The following KANSL1 variants were observed in gnomAD, a reference collection of about 807,000 sequenced individuals.
KANSL1 encodes KAT8 regulatory NSL complex subunit 1, also known as MLL1/MLL complex subunit KANSL1.
KANSL1 carries 22 observed loss-of-function variants against 103.6 expected under a neutral mutation model. The observed-to-expected ratio is 0.21, with a 90% confidence interval of 0.15 to 0.30. The LOEUF (loss-of-function observed/expected upper bound fraction) is 0.30. Among genes scored for constraint, KANSL1 ranks in the 10% least tolerant of loss-of-function variants. The pLI, the probability that KANSL1 is intolerant of heterozygous loss-of-function variation, is 1.00. For missense variants in KANSL1, 1,337 were observed against 1,399.8 expected, an observed-to-expected ratio of 0.96 and a Z score of 0.72; for synonymous variants, 600 against 527.6, an observed-to-expected ratio of 1.14 and a Z score of -1.88.
intron 2 of KANSL1, among the ~76,000 whole-genome samples, chr17:46,161,835 T>TACTA (rs2045759566): frequency 3.9e-5 from 6 of 152,236 alleles, no homozygotes. Flanking sequence ...TCTACATGAT[T>TACTA]ACTACAATGC....
upstream of KANSL1, chr17:46,223,856 TAGTTTA>T (rs1443752073): frequency 6.6e-6 from 1 of 150,892 alleles, no homozygotes; most frequent in Non-Finnish European, 1.5e-5. Flanking sequence ...ACAATGCAAA[TAGTTTA>T]AGCTACCTGG....
chr17:46,039,559 G>C (rs1034254371), intron 8 of KANSL1, 143 bp downstream of exon 8: 13 of 860,956 alleles, frequency 1.5e-5, no homozygotes, highest in Middle Eastern at 3.6e-4. Context: ...AAGACAAGCA[G>C]AAGCAGTCAC....
At chr17:46,173,304 A>C (rs1555576903) in intron 1 of KANSL1, among the ~76,000 whole-genome samples, 2 of 112,366 alleles carry the variant, frequency 1.8e-5, no homozygotes, top group Non-Finnish European at 4.8e-5. Context: ...AGATTCCTAT[A>C]ACCTCTATGT....
intron 1 of KANSL1, among the ~76,000 whole-genome samples, chr17:46,181,593 C>A (rs1767096230): frequency 6.6e-6 from 1 of 152,222 alleles, no homozygotes. Flanking sequence ...CCACAGCCAG[C>A]TAATTTTTTT....
intron 2 of KANSL1, among the ~76,000 whole-genome samples, chr17:46,105,947 ACC>A (rs67725690): frequency 0.21 from 11,525 of 55,812 alleles, 320 homozygotes; most frequent in South Asian, 0.25. Flanking sequence ...ACACACACAC[ACC>A]CCCCCAGAAG....
At chr17:46,131,201 A>G (rs998888869) in intron 2 of KANSL1, among the ~76,000 whole-genome samples, 1 of 152,228 alleles carries the variant, frequency 6.6e-6, no homozygotes, top group African/African-American at 2.4e-5. Flanking sequence ...CATTTATTTA[A>G]GTCCCTTCTA....
chr17:46,170,401 T>C, intron 2 of KANSL1: 2 of 173,438 alleles, frequency 1.2e-5, no homozygotes, highest in Admixed American at 6.2e-5. Context: ...CTGGGTGTGC[T>C]CTCTGCTGAA....
At chr17:46,075,264 C>T (rs868585440) in intron 4 of KANSL1, among the ~76,000 whole-genome samples, 4 of 152,168 alleles carry the variant, frequency 2.6e-5, no homozygotes, top group Admixed American at 1.3e-4. Context: ...TGATAATTAA[C>T]GATTATTGTG....
intron 1 of KANSL1, among the ~76,000 whole-genome samples, chr17:46,174,719 A>T (rs1054574830): frequency 2.6e-5 from 4 of 152,146 alleles, no homozygotes; most frequent in Admixed American, 6.5e-5. Flanking sequence ...CTGTCACCCA[A>T]GCTAGAGTGC....
chr17:46,217,042 G>T (rs1165289284), intron 1 of KANSL1, among the ~76,000 whole-genome samples: 4 of 151,954 alleles, frequency 2.6e-5, no homozygotes, highest in African/African-American at 9.7e-5. Flanking sequence ...AGGGGTTAGG[G>T]GGCTGGAGGT....
At chr17:46,197,634 C>G (rs2047656993), upstream of KANSL1, among the ~76,000 whole-genome samples, 1 of 152,224 alleles carries the variant, frequency 6.6e-6, no homozygotes, top group Non-Finnish European at 1.5e-5. Flanking sequence ...CAGAAGGAGA[C>G]TGTGTCTCAA....
At chr17:46,122,874 A>C (rs2043344687) in intron 2 of KANSL1, among the ~76,000 whole-genome samples, 1 of 151,952 alleles carries the variant, frequency 6.6e-6, no homozygotes, top group South Asian at 2.1e-4. Flanking sequence ...TGTTCTCACT[A>C]CTCCACTGAA....
At chr17:46,184,201 A>G (rs1266960541) in intron 1 of KANSL1, among the ~76,000 whole-genome samples, 1 of 152,278 alleles carries the variant, frequency 6.6e-6, no homozygotes, top group Non-Finnish European at 1.5e-5. Context: ...GAAGGGGTCA[A>G]GGAAGGCTTC....
chr17:46,151,549 T>G (rs1223757560), intron 2 of KANSL1, among the ~76,000 whole-genome samples: 1 of 152,254 alleles, frequency 6.6e-6, no homozygotes, highest in Non-Finnish European at 1.5e-5. Context: ...CCTTCGGTCA[T>G]TATTTACTTA....
intron 1 of KANSL1, among the ~76,000 whole-genome samples, chr17:46,202,048 G>C (rs896136776): frequency 6.6e-6 from 1 of 152,062 alleles, no homozygotes; most frequent in African/African-American, 2.4e-5. Flanking sequence ...CCGTGCATCT[G>C]TACCAGTTAG....
At chr17:46,096,253 C>T (rs1174792701) in intron 2 of KANSL1, among the ~76,000 whole-genome samples, 4 of 150,068 alleles carry the variant, frequency 2.7e-5, no homozygotes, top group Non-Finnish European at 4.4e-5. Flanking sequence ...GCTATCCTCC[C>T]ACCTCAGTCT....
intron 1 of KANSL1, among the ~76,000 whole-genome samples, chr17:46,176,434 T>G (rs1477301414): frequency 1.3e-5 from 2 of 152,248 alleles, no homozygotes; most frequent in African/African-American, 4.8e-5. Context: ...CTCACGCCTG[T>G]AATCCCAGCA....
intron 2 of KANSL1, among the ~76,000 whole-genome samples, chr17:46,158,387 T>A (rs920592569): frequency 1.5e-4 from 22 of 151,434 alleles, no homozygotes; most frequent in Middle Eastern, 6.8e-3. Flanking sequence ...TTTGAGACAG[T>A]CTCGCTCAGT....
rs567106139 is a variant in KANSL1 at position 46,166,958 on chromosome 17, G to A, written c.1289+3897C>T. On this transcript the variant is annotated intron_variant, in intron 2 of 14. Transcript: ENST00000432791. Reference sequence around the variant, plus strand: ...GTAATCACAATGAAATGTTTTATGAGGTTATTTTTATACTGAACTTCAAGA... The same window carrying A: ...GTAATCACAATGAAATGTTTTATGAAGTTATTTTTATACTGAACTTCAAGA... Among the ~76,000 whole-genome samples the A allele has an allele frequency of 5.9e-5, 9 of 151,844 alleles. No homozygotes were observed. The South Asian group carries it at 1.9e-3, about 31-fold the overall frequency.
Sources: gnomAD v4.1 joint callset for allele counts (sites outside exome capture counted in the v4.1 genomes callset) on GRCh38, gnomAD v4.1.1 for gene constraint, MANE v1.5 for transcripts, NCBI Gene and HGNC (gene_info 2026-07-23, HGNC 2026-07-21) for gene names.